Variants in PTPRN2 observed in about 807,000 individuals in gnomAD.
PTPRN2 encodes the protein protein tyrosine phosphatase receptor type N2, also known as receptor-type tyrosine-protein phosphatase N2.
In PTPRN2, 74 loss-of-function variants were observed where a neutral mutation model predicts 118.8. The observed-to-expected ratio is 0.62, with a 90% confidence interval of 0.52 to 0.76. The LOEUF (loss-of-function observed/expected upper bound fraction) is 0.76. Ranked by LOEUF, PTPRN2 falls within the 30% of genes least tolerant of loss-of-function variation. The probability of loss-of-function intolerance (pLI) is 0.00; values close to 1 mark genes in which losing one functional copy is unlikely to be tolerated. For synonymous variants in PTPRN2, 641 were observed against 608.0 expected (o/e 1.05, Z -0.80); for missense variants, 1,481 against 1,394.4 (o/e 1.06, Z -0.99).
rs568059381 is a variant in PTPRN2, at chr7:158,133,880, C to T, written c.1353G>A (p.Thr451=). Residue 451 remains threonine, a synonymous_variant, in exon 9 of 23, where the codon ACG becomes ACA. Coordinates refer to ENST00000389418, the MANE Select transcript of PTPRN2 (RefSeq NM_002847.5). Reference sequence around the variant, plus strand: ...GCTGCCCCAGCAGATCTTTGGAATACGTCTGGCTCTTGACGTTCTCCACTC... The same window carrying T: ...GCTGCCCCAGCAGATCTTTGGAATATGTCTGGCTCTTGACGTTCTCCACTC... The part of the protein sequence containing the change: ...TAGVENVKSQ[T]YSKDLLGQQP... 8 of 1,613,932 alleles carry T rather than the reference C, an allele frequency of 5.0e-6. No homozygotes were observed. The highest frequency in any genetic ancestry group is 4.5e-5 in the East Asian group (2 of 44,884).
At chr7:157,684,784 G>A (rs1312080785) in intron 12 of PTPRN2, among the ~76,000 whole-genome samples, 2 of 151,910 alleles carry the variant, frequency 1.3e-5, no homozygotes, top group African/African-American at 4.8e-5. Flanking sequence ...CCTCCCCCGG[G>A]CCGGGGTCTC....
At chr7:158,295,188 CTG>C (rs1226370582) in intron 3 of PTPRN2, among the ~76,000 whole-genome samples, 5 of 124,252 alleles carry the variant, frequency 4.0e-5, no homozygotes, top group African/African-American at 6.3e-5. Context: ...CGTGGTTCAC[CTG>C]CCTTTCTGAG....
intron 2 of PTPRN2, among the ~76,000 whole-genome samples, chr7:158,469,134 A>C (rs1392694948): frequency 8.2e-6 from 1 of 122,298 alleles, no homozygotes; most frequent in Admixed American, 9.1e-5. Context: ...AGGCTTTCAG[A>C]CTGAGGAAAG....
intron 2 of PTPRN2, among the ~76,000 whole-genome samples, chr7:158,467,094 A>T (rs1212637595): frequency 6.6e-6 from 1 of 152,124 alleles, no homozygotes; most frequent in Admixed American, 6.5e-5. Context: ...TGTCTTTTTG[A>T]TAAAAGCCAT....
intron 11 of PTPRN2, among the ~76,000 whole-genome samples, chr7:158,048,375 A>G (rs867105993): frequency 6.6e-6 from 1 of 151,970 alleles, no homozygotes; most frequent in Non-Finnish European, 1.5e-5. Context: ...CTCATGTTAC[A>G]TTTTCTTAGA....
intron 2 of PTPRN2, among the ~76,000 whole-genome samples, chr7:158,422,870 T>C (rs957644218): frequency 6.6e-6 from 1 of 152,248 alleles, no homozygotes; most frequent in East Asian, 1.9e-4. Context: ...AGCTCAAGCT[T>C]ACAAGTAGTT....
intron 4 of PTPRN2, among the ~76,000 whole-genome samples, chr7:158,195,750 CTACT>C (rs1219551826): frequency 6.6e-6 from 1 of 152,086 alleles, no homozygotes; most frequent in African/African-American, 2.4e-5. Flanking sequence ...TTCCTGTCTC[CTACT>C]TATTGTGTCT....
rs1166064552 is a variant in PTPRN2 at position 158,441,279 on chromosome 7, ATGG to A, written c.163+48453_163+48455del. 6.1e-4 allele frequency among the ~76,000 whole-genome samples: 43 copies of A among 70,210 alleles called. 3 individuals are homozygous for A. The highest frequency in any genetic ancestry group is 2.0e-3 in the South Asian group (4 of 2,044). The allele number at this position is 70,210 out of a possible 152,430, so 46.1% of individuals were successfully genotyped here. ...GATGGTGATGGTGATAGTGATGGTG[ATGG>A]TGGTGGTGGTGATGGTGATAGTAAT... On this transcript the variant is annotated intron_variant, in intron 2 of 22. Coordinates refer to ENST00000389418, the MANE Select transcript of PTPRN2 (RefSeq NM_002847.5).
intron 12 of PTPRN2, among the ~76,000 whole-genome samples, chr7:157,819,543 G>A (rs868483860): frequency 1.3e-4 from 11 of 86,682 alleles, no homozygotes; most frequent in African/African-American, 4.6e-4. Flanking sequence ...GAGCGGCCAC[G>A]GCACAGCCCT....
At chr7:157,625,103 G>C (rs1205263495) in intron 14 of PTPRN2, among the ~76,000 whole-genome samples, 1 of 152,196 alleles carries the variant, frequency 6.6e-6, no homozygotes, top group South Asian at 2.1e-4. Context: ...TGGATGCAGT[G>C]AACAGGGAAC....
chr7:158,280,438 G>A lies in PTPRN2; in HGVS notation c.277+36381C>T, dbSNP rs183791422. 3.0e-3 allele frequency among the ~76,000 whole-genome samples: 460 copies of A among 152,342 alleles called. 8 individuals carry two copies. The highest frequency in any genetic ancestry group is 0.019 in the Admixed American group (298 of 15,310). On this transcript the variant is annotated intron_variant, in intron 3 of 22. Coordinates refer to ENST00000389418, the MANE Select transcript of PTPRN2 (RefSeq NM_002847.5). ...AGGAGCCGCGGCTCTACCTGGGAAC[G>A]CAGGATCATCTCTACTCTGACGGCT...
intron 15 of PTPRN2, among the ~76,000 whole-genome samples, chr7:157,614,587 C>T (rs1802631650): frequency 2.0e-5 from 3 of 152,170 alleles, no homozygotes; most frequent in African/African-American, 2.4e-5. Context: ...GCGGGAGTCC[C>T]TGGGAGTGTG....
At chr7:158,080,032 C>A (rs1812675712) in intron 11 of PTPRN2, among the ~76,000 whole-genome samples, 1 of 152,078 alleles carries the variant, frequency 6.6e-6, no homozygotes, top group African/African-American at 2.4e-5. Context: ...TTCTCAGCCC[C>A]CTAAATCACC....
chr7:158,357,616 A>G (rs1273120163), intron 2 of PTPRN2, among the ~76,000 whole-genome samples: 1 of 152,214 alleles, frequency 6.6e-6, no homozygotes, highest in Non-Finnish European at 1.5e-5. Flanking sequence ...TGCTAAGAAA[A>G]GCGGCAGGAG....
chr7:158,164,567 C>T (rs2150582107), intron 6 of PTPRN2, among the ~76,000 whole-genome samples: 1 of 152,102 alleles, frequency 6.6e-6, no homozygotes, highest in East Asian at 2.0e-4. Flanking sequence ...GGAAGGCACG[C>T]AGAGCAGGAA....
intron 10 of PTPRN2, among the ~76,000 whole-genome samples, chr7:158,108,466 G>A (rs1815876868): frequency 6.6e-6 from 1 of 152,176 alleles, no homozygotes; most frequent in Non-Finnish European, 1.5e-5. Context: ...TACCTGGCCT[G>A]CCCACCGGAC....
intron 6 of PTPRN2, among the ~76,000 whole-genome samples, chr7:158,163,349 A>G (rs73745187): frequency 0.11 from 16,128 of 142,818 alleles, 1,285 homozygotes; most frequent in African/African-American, 0.24. Context: ...TTCATAGGTG[A>G]CGCCTGTACG....
chr7:157,614,111 G>A (rs370650379), intron 15 of PTPRN2: 2 of 471,202 alleles, frequency 4.2e-6, no homozygotes, highest in East Asian at 6.9e-5. Flanking sequence ...GGTGGGAGGA[G>A]GAAAAAGGAG....
chr7:157,850,321 T>C (rs1359616172), intron 12 of PTPRN2, among the ~76,000 whole-genome samples: 1 of 78,990 alleles, frequency 1.3e-5, no homozygotes, highest in African/African-American at 4.1e-5. Flanking sequence ...TCTCCGAATT[T>C]CCGACGTGGG....
Sources: allele counts gnomAD v4.1 joint callset (sites outside exome capture counted in the v4.1 genomes callset), GRCh38; gene constraint gnomAD v4.1.1; transcripts MANE v1.5; gene names NCBI Gene and HGNC (gene_info 2026-07-23, HGNC 2026-07-21).